Variants in SORCS1 observed in about 807,000 individuals in gnomAD.
The protein encoded by SORCS1 is VPS10 domain-containing receptor SorCS1.
In SORCS1, 60 loss-of-function variants were observed where a neutral mutation model predicts 146.1. That is an observed-to-expected ratio of 0.41 (90% CI 0.33 to 0.51). The LOEUF (loss-of-function observed/expected upper bound fraction) is 0.51, where lower values mean the gene tolerates loss of function less well. Ranked by LOEUF, SORCS1 falls within the 20% of genes least tolerant of loss-of-function variation. SORCS1 has a pLI of 0.21. For synonymous variants in SORCS1, 637 were observed against 584.0 expected (o/e 1.09, Z -1.31); for missense variants, 1,352 against 1,487.6 (o/e 0.91, Z 1.50).
chr10:106,916,714 A>G (rs1428650729), intron 2 of SORCS1, among the ~76,000 whole-genome samples: 2 of 151,404 alleles, frequency 1.3e-5, no homozygotes, highest in African/African-American at 2.4e-5. Context: ...AAAGTTGCTT[A>G]TATCAGCTTC....
chr10:106,940,549 G>C (rs902668344), intron 2 of SORCS1, among the ~76,000 whole-genome samples: 2 of 152,184 alleles, frequency 1.3e-5, no homozygotes, highest in East Asian at 3.9e-4. Flanking sequence ...TTTATTCTCT[G>C]TGTGGCTTCT....
intron 24 of SORCS1, 57 bp from the exon 25 acceptor site, chr10:106,579,531 T>A (rs1844779828): frequency 6.5e-7 from 1 of 1,544,972 alleles, no homozygotes; most frequent in African/African-American, 1.4e-5. Flanking sequence ...GGTGAGACTC[T>A]ATGAGAGGCT....
chr10:106,591,621 T>C (rs563147907), intron 24 of SORCS1, among the ~76,000 whole-genome samples: 18 of 152,292 alleles, frequency 1.2e-4, no homozygotes, highest in African/African-American at 3.8e-4. Context: ...GGTAAAATGA[T>C]GAAGATGATA....
chr10:107,076,843 G>A (rs1366736042), intron 1 of SORCS1, among the ~76,000 whole-genome samples: 1 of 152,158 alleles, frequency 6.6e-6, no homozygotes, highest in African/African-American at 2.4e-5. Flanking sequence ...TTACAATGTT[G>A]TAGGAGGAGT....
intron 5 of SORCS1, among the ~76,000 whole-genome samples, chr10:106,734,913 T>C (rs184622679): frequency 1.2e-3 from 179 of 152,218 alleles, no homozygotes; most frequent in African/African-American, 4.1e-3. Context: ...CTCACACCTA[T>C]AATCCGAGGA....
chr10:106,577,305 A>C lies in SORCS1; in HGVS notation c.*115T>G. On this transcript the variant is annotated 3_prime_UTR_variant, in exon 26 of 26. Transcript: ENST00000263054. The stretch of plus-strand genomic sequence containing the variant: ...TACTTCCTGGCAAAATAGGAAACAG[A>C]ACAACAAAGGAAAGAAAAAAAACAC... 6.2e-7 allele frequency: 1 copy of C among 1,608,928 alleles called. No homozygotes were observed. The highest frequency in any genetic ancestry group is 1.7e-4 in the Middle Eastern group (1 of 6,028).
At chr10:106,775,506 C>T (rs1860362191) in intron 4 of SORCS1, among the ~76,000 whole-genome samples, 1 of 152,214 alleles carries the variant, frequency 6.6e-6, no homozygotes, top group Admixed American at 6.5e-5. Context: ...TCAGTAGAGA[C>T]CTTGGGAAGT....
intron 1 of SORCS1, among the ~76,000 whole-genome samples, chr10:107,091,732 G>C (rs113309380): frequency 1.3e-5 from 2 of 152,200 alleles, no homozygotes; most frequent in Non-Finnish European, 2.9e-5. Context: ...AGACCCCCAT[G>C]TGCCTCTAAC....
chr10:106,956,138 A>T (rs951940787), intron 2 of SORCS1, among the ~76,000 whole-genome samples: 3 of 152,116 alleles, frequency 2.0e-5, no homozygotes, highest in Admixed American at 1.3e-4. Flanking sequence ...TCAAAAAAAA[A>T]AAAAAAGTTT....
chr10:107,053,889 G>A (rs918316578), intron 1 of SORCS1, among the ~76,000 whole-genome samples: 2 of 152,084 alleles, frequency 1.3e-5, no homozygotes, highest in African/African-American at 4.8e-5. Context: ...AACAGCACTC[G>A]TTTCTATACA....
chr10:106,692,574 A>G (rs1853379994), intron 9 of SORCS1, among the ~76,000 whole-genome samples: 1 of 152,206 alleles, frequency 6.6e-6, no homozygotes, highest in Non-Finnish European at 1.5e-5. Flanking sequence ...ACTAGAAACC[A>G]CTGGATTTTA....
intron 2 of SORCS1, among the ~76,000 whole-genome samples, chr10:106,877,050 A>G (rs901752105): frequency 1.3e-5 from 2 of 152,206 alleles, no homozygotes; most frequent in Admixed American, 1.3e-4. Flanking sequence ...GATAATTATG[A>G]AGCTAATGAG....
chr10:106,865,179 C>T (rs1023247461), intron 2 of SORCS1, among the ~76,000 whole-genome samples: 12 of 149,906 alleles, frequency 8.0e-5, no homozygotes, highest in African/African-American at 2.5e-4. Context: ...GCTTTTTAAG[C>T]GGGTCCCTGA....
rs540479867 is a variant in SORCS1 at position 106,646,928 on chromosome 10, A to T, written c.2475+5454T>A. On this transcript the variant is annotated intron_variant, in intron 18 of 25. Transcript: ENST00000263054. ...ATATATATATAATATATGCATGTAT[A>T]TATGTTTCTTGACTCTCCTTGTTCA... 6.7e-5 allele frequency among the ~76,000 whole-genome samples: 10 copies of T among 149,850 alleles called. No individual in the cohort carries two copies. The South Asian group carries it at 1.9e-3, about 28-fold the overall frequency.
chr10:107,042,877 TG>T (rs1959180792), intron 1 of SORCS1, among the ~76,000 whole-genome samples: 2 of 152,150 alleles, frequency 1.3e-5, no homozygotes. Context: ...CCCAATGTTC[TG>T]GGATTACAGG....
chr10:106,750,791 G>A (rs917047437), intron 5 of SORCS1, among the ~76,000 whole-genome samples: 7 of 141,458 alleles, frequency 4.9e-5, no homozygotes, highest in African/African-American at 1.6e-4. Context: ...CGGGCGCTGT[G>A]GCTCATGCCT....
At chr10:106,658,828 C>T (rs1850502321) in intron 17 of SORCS1, among the ~76,000 whole-genome samples, 1 of 152,192 alleles carries the variant, frequency 6.6e-6, no homozygotes, top group Non-Finnish European at 1.5e-5. Context: ...GATTCTTCTA[C>T]CCCTGCATCC....
chr10:107,062,920 C>T (rs1163808198), intron 1 of SORCS1, among the ~76,000 whole-genome samples: 1 of 152,070 alleles, frequency 6.6e-6, no homozygotes, highest in African/African-American at 2.4e-5. Context: ...GGGGAAAAAT[C>T]CTATTGCCTA....
rs576948137 is a variant in SORCS1, at chr10:106,808,081, C to T, written c.726+21493G>A. Among the ~76,000 whole-genome samples the T allele has an allele frequency of 7.9e-5, 12 of 152,314 alleles. No homozygotes were observed. In the South Asian group the frequency reaches 1.7e-3, roughly 21 times the overall value. Reference sequence around the variant, plus strand: ...TGTTGCCCAGGCTGGAGCGCAATGGCGCGACCTTGGATCACCACAACCTCT... The same window carrying T: ...TGTTGCCCAGGCTGGAGCGCAATGGTGCGACCTTGGATCACCACAACCTCT... On this transcript the variant is annotated intron_variant, in intron 3 of 25. Coordinates refer to ENST00000263054, the MANE Select transcript of SORCS1 (RefSeq NM_052918.5).
Sources: gnomAD v4.1 joint callset for allele counts (sites outside exome capture counted in the v4.1 genomes callset) on GRCh38, gnomAD v4.1.1 for gene constraint, MANE v1.5 for transcripts, NCBI Gene and HGNC (gene_info 2026-07-23, HGNC 2026-07-21) for gene names.